The following DNAI4 variants were observed in gnomAD, a reference collection of about 807,000 sequenced individuals.
The protein encoded by DNAI4 is WD repeat domain 78.
DNAI4 carries 85 observed loss-of-function variants against 105.8 expected under a neutral mutation model. The ratio of observed to expected loss-of-function variants is 0.80; its 90% CI spans 0.67 to 0.96. The LOEUF (loss-of-function observed/expected upper bound fraction) is 0.96, where lower values mean the gene tolerates loss of function less well. DNAI4 is among the 40% of genes least tolerant of loss of function. DNAI4 has a pLI of 0.00. For missense variants in DNAI4, 1,014 were observed against 1,005.6 expected, an observed-to-expected ratio of 1.01 and a Z score of -0.11; for synonymous variants, 352 against 331.5, an observed-to-expected ratio of 1.06 and a Z score of -0.67.
At chr1:66,912,586 T>C (rs566869065) in intron 1 of DNAI4, among the ~76,000 whole-genome samples, 1 of 152,300 alleles carries the variant, frequency 6.6e-6, no homozygotes, top group Non-Finnish European at 1.5e-5. Flanking sequence ...AATGTACTTC[T>C]TACATATACT....
chr1:66,880,360 T>C (rs1191333443), intron 4 of DNAI4, among the ~76,000 whole-genome samples: 1 of 152,142 alleles, frequency 6.6e-6, no homozygotes, highest in Non-Finnish European at 1.5e-5. Context: ...CAGGAAAATG[T>C]GGGAAAGTTT....
At chr1:66,825,670 T>C (rs577912058) in intron 15 of DNAI4, among the ~76,000 whole-genome samples, 7 of 152,254 alleles carry the variant, frequency 4.6e-5, no homozygotes, top group African/African-American at 9.6e-5. Context: ...TTACAGTTTT[T>C]CCAGAAAAAT....
At chr1:66,837,827 A>C in intron 9 of DNAI4, 31 bp from the exon 10 acceptor site, 1 of 1,557,246 alleles carries the variant, frequency 6.4e-7, no homozygotes, top group East Asian at 2.3e-5. Flanking sequence ...TTTAAAAATA[A>C]GAGAAGATAG....
intron 1 of DNAI4, among the ~76,000 whole-genome samples, chr1:66,916,740 TG>T (rs2100887160): frequency 6.6e-6 from 1 of 152,368 alleles, no homozygotes; most frequent in South Asian, 2.1e-4. Flanking sequence ...AAAAGGCATT[TG>T]GAAGCTGTAT....
At chr1:66,826,543 C>T (rs1645757888) in intron 15 of DNAI4, among the ~76,000 whole-genome samples, 1 of 152,108 alleles carries the variant, frequency 6.6e-6, no homozygotes, top group South Asian at 2.1e-4. Context: ...AGTGATCCTC[C>T]CGCCTCAGCC....
rs554614868 is a variant in DNAI4 at position 66,898,371 on chromosome 1, G to A, written c.346-4958C>T. ...AAAGGATGTGAATTTGGGGGCCAAG[G>A]GCAGAAAGTTATAGTTTAAATGTGT... is the stretch of plus-strand genomic sequence containing the variant. On this transcript the variant is annotated intron_variant, in intron 2 of 16. Coordinates refer to ENST00000371026, the MANE Select transcript of DNAI4 (RefSeq NM_024763.5). 3.3e-5 allele frequency among the ~76,000 whole-genome samples: 5 copies of A among 152,232 alleles called. No individual in the cohort carries two copies. The South Asian group carries it at 1.0e-3, about 32-fold the overall frequency.
chr1:66,924,694 C>T lies in DNAI4; in HGVS notation c.138G>A (p.Pro46=). Residue 46 remains proline (P), a synonymous_variant, in exon 1 of 17, where the codon CCG becomes CCA. Transcript: ENST00000371026. The part of the protein sequence containing the change: ...PQLVATMPVS[P]AGSHKQQNFG... ...AGTTCTGCTGCTTGTGACTGCCTGCCGGAGAGACTGGCATGGTGGCGACCA... is the reference window on the plus strand; with the variant it reads ...AGTTCTGCTGCTTGTGACTGCCTGCTGGAGAGACTGGCATGGTGGCGACCA... The T allele has an allele frequency of 6.2e-7, 1 of 1,614,214 alleles. No homozygotes were observed. The highest frequency in any genetic ancestry group is 8.5e-7 in the Non-Finnish European group (1 of 1,180,044).
In DNAI4 at chr1:66,844,102, A is replaced by AAC. The variant is rs1553215049; in HGVS notation, c.1291+3381_1291+3382insGT. Among the ~76,000 whole-genome samples, 452 of 146,828 alleles carry AAC rather than the reference A, an allele frequency of 3.1e-3. 5 individuals are homozygous for AAC. The highest frequency in any genetic ancestry group is 8.0e-3 in the East Asian group (37 of 4,604). On this transcript the variant is annotated intron_variant, in intron 8 of 16. Coordinates refer to ENST00000371026, the MANE Select transcript of DNAI4 (RefSeq NM_024763.5). ...GGAGATTCAAAAAAAAAAAAAAAAA[A>AAC]AAAAACTTTAAACCTTACCTTAGTC...
chr1:66,867,032 T>C (rs144326212), intron 6 of DNAI4, among the ~76,000 whole-genome samples: 3 of 152,216 alleles, frequency 2.0e-5, no homozygotes, highest in Non-Finnish European at 4.4e-5. Flanking sequence ...TCACTCACTA[T>C]CAAGAATAAC....
chr1:66,827,698 G>A, intron 14 of DNAI4, 114 bp downstream of exon 14: 1 of 500,580 alleles, frequency 2.0e-6, no homozygotes, highest in Non-Finnish European at 3.5e-6. Context: ...ATTCAAGATG[G>A]TATTTTTAAC....
intron 16 of DNAI4, among the ~76,000 whole-genome samples, chr1:66,814,596 C>T (rs1645478430): frequency 2.0e-5 from 3 of 152,130 alleles, no homozygotes; most frequent in African/African-American, 7.2e-5. Flanking sequence ...TCTCGATCTC[C>T]TGACCTCATG....
intron 7 of DNAI4, among the ~76,000 whole-genome samples, chr1:66,858,320 G>A (rs1032391978): frequency 4.6e-5 from 7 of 151,700 alleles, no homozygotes; most frequent in Admixed American, 3.9e-4. Context: ...TTGAAGTCAG[G>A]AGACCGAGAC....
At chr1:66,838,461 A>T (rs1490365967) in intron 9 of DNAI4, among the ~76,000 whole-genome samples, 2 of 152,212 alleles carry the variant, frequency 1.3e-5, no homozygotes, top group Non-Finnish European at 2.9e-5. Context: ...CAGCCTCCAG[A>T]TTTATGAGAA....
intron 2 of DNAI4, among the ~76,000 whole-genome samples, chr1:66,904,621 TC>T (rs1649097959): frequency 6.6e-6 from 1 of 152,166 alleles, no homozygotes. Flanking sequence ...CCCCATTGTG[TC>T]ACATTTCTTT....
At chr1:66,816,089 C>T (rs982727968) in intron 16 of DNAI4, among the ~76,000 whole-genome samples, 5 of 152,148 alleles carry the variant, frequency 3.3e-5, no homozygotes. Context: ...ATGAAGATTA[C>T]TTGAGGCCAG....
At chr1:66,893,087 A>AAGAT (rs1491175059) in intron 3 of DNAI4, 142 bp downstream of exon 3, 2 of 404,350 alleles carry the variant, frequency 4.9e-6, no homozygotes, top group African/African-American at 2.2e-5. Context: ...GAAAGAAAGA[A>AAGAT]AGAAAGAAAG....
At chr1:66,889,736 C>G (rs1457020848) in intron 4 of DNAI4, among the ~76,000 whole-genome samples, 1 of 152,164 alleles carries the variant, frequency 6.6e-6, no homozygotes, top group Admixed American at 6.5e-5. Flanking sequence ...CCCAGCACTT[C>G]TGATCATCCA....
At chr1:66,841,467 C>T (rs1646146645) in intron 8 of DNAI4, among the ~76,000 whole-genome samples, 1 of 152,130 alleles carries the variant, frequency 6.6e-6, no homozygotes, top group Non-Finnish European at 1.5e-5. Flanking sequence ...TTGGAGTCAC[C>T]AACTGGTTAA....
intron 7 of DNAI4, among the ~76,000 whole-genome samples, chr1:66,861,177 A>C (rs949498160): frequency 2.0e-5 from 3 of 152,160 alleles, no homozygotes; most frequent in Non-Finnish European, 1.5e-5. Flanking sequence ...TTCTCTTTAA[A>C]CTTGTTATTT....
Sources: gnomAD v4.1 joint callset for allele counts (sites outside exome capture counted in the v4.1 genomes callset) on GRCh38, gnomAD v4.1.1 for gene constraint, MANE v1.5 for transcripts, NCBI Gene and HGNC (gene_info 2026-07-23, HGNC 2026-07-21) for gene names.